STON2: variants seen among roughly 807,000 people sequenced by gnomAD.
STON2 encodes stonin-2.
Under a neutral mutation model 65.7 loss-of-function variants are expected in STON2, and 29 were observed. The observed-to-expected ratio is 0.44, with a 90% CI of 0.33 to 0.60. The LOEUF is 0.60. Among genes scored for constraint, STON2 ranks in the 20% least tolerant of loss-of-function variants. The probability of loss-of-function intolerance (pLI) is 0.03; values close to 1 mark genes in which losing one functional copy is unlikely to be tolerated. For missense variants in STON2, 1,054 were observed against 1,118.1 expected (o/e 0.94, Z 0.82); for synonymous variants, 404 against 414.2 (o/e 0.98, Z 0.30).
At chr14:81,308,824 A>ATATATATATATATATG (rs1479394128) in intron 5 of STON2, among the ~76,000 whole-genome samples, 3 of 10,442 alleles carry the variant, frequency 2.9e-4, no homozygotes, top group African/African-American at 3.8e-4. Flanking sequence ...ATATATATAT[A>ATATATATATATATATG]TGTGTGTGTG....
chr14:81,270,476 C>T, intron 7 of STON2, 194 bp downstream of exon 7: 1 of 1,492,708 alleles, frequency 6.7e-7, no homozygotes, highest in Non-Finnish European at 8.9e-7. Context: ...TCCAACCTTT[C>T]TCTCATCCAC....
At chr14:81,403,535 T>A (rs867120129), upstream of STON2, among the ~76,000 whole-genome samples, 1 of 152,146 alleles carries the variant, frequency 6.6e-6, no homozygotes, top group African/African-American at 2.4e-5. Context: ...CTTGAATACA[T>A]GCAAGAGTGG....
At chr14:81,415,417 A>G (rs900566817) in intron 2 of STON2, among the ~76,000 whole-genome samples, 2 of 152,096 alleles carry the variant, frequency 1.3e-5, no homozygotes, top group Non-Finnish European at 2.9e-5. Context: ...CAGACAATTC[A>G]TTGACTCATT....
At chr14:81,426,234 G>A (rs1280965088) in intron 2 of STON2, among the ~76,000 whole-genome samples, 1 of 152,142 alleles carries the variant, frequency 6.6e-6, no homozygotes, top group African/African-American at 2.4e-5. Flanking sequence ...CTTAACTCAG[G>A]CACCTAACCA....
chr14:81,368,014 G>A (rs899211797), intron 4 of STON2, among the ~76,000 whole-genome samples: 4 of 152,158 alleles, frequency 2.6e-5, no homozygotes, highest in African/African-American at 9.7e-5. Flanking sequence ...AAGGACATAT[G>A]GACTTTATCC....
intron 5 of STON2, among the ~76,000 whole-genome samples, chr14:81,304,766 T>C (rs1462166439): frequency 6.6e-6 from 1 of 152,160 alleles, no homozygotes; most frequent in East Asian, 1.9e-4. Context: ...GGAATCAGGA[T>C]TCAAACCCAG....
chr14:81,396,765 A>G (rs904581890), intron 2 of STON2, among the ~76,000 whole-genome samples: 10 of 151,996 alleles, frequency 6.6e-5, no homozygotes, highest in African/African-American at 2.4e-4. Context: ...TTTTTTGGAA[A>G]TTAAAAAACC....
At chr14:81,298,467 G>C (rs1007578490) in intron 5 of STON2, among the ~76,000 whole-genome samples, 2 of 151,788 alleles carry the variant, frequency 1.3e-5, no homozygotes, top group African/African-American at 4.8e-5. Flanking sequence ...AATTACCCCT[G>C]AGCAAAGTCA....
Position 81,427,223 on chromosome 14 carries a change from A to G in STON2, c.-309-11T>C, listed in dbSNP as rs74479977. The G allele has an allele frequency of 2.6e-5, 4 of 152,352 alleles. No homozygotes were observed. The East Asian group carries it at 7.7e-4, about 29-fold the overall frequency. The allele number at this position is 152,352 out of a possible 1,614,324, so 9.4% of individuals were successfully genotyped here. A position where few individuals can be genotyped will look rare whatever the true frequency, so the allele number is the denominator to read the frequency against. On this transcript the variant is annotated splice_polypyrimidine_tract_variant and intron_variant, in intron 1 of 8. Coordinates refer to the STON2 transcript ENST00000553821. ...TCGTGAGTTGTTTTCCTATGAGTAG[A>G]AACATACATGCATAAATGAACCTGC...
At chr14:81,341,512 G>C (rs1897614504) in intron 4 of STON2, among the ~76,000 whole-genome samples, 1 of 143,510 alleles carries the variant, frequency 7.0e-6, no homozygotes, top group Non-Finnish European at 1.5e-5. Flanking sequence ...GAGGTCACAA[G>C]GGAAGCAAGC....
upstream of STON2, among the ~76,000 whole-genome samples, chr14:81,402,624 A>G (rs1900661724): frequency 6.6e-6 from 1 of 152,000 alleles, no homozygotes; most frequent in Non-Finnish European, 1.5e-5. Context: ...AGTGAGTTAC[A>G]CTCTGTTCAT....
At chr14:81,385,266 G>A (rs1287938210) in intron 3 of STON2, among the ~76,000 whole-genome samples, 3 of 152,182 alleles carry the variant, frequency 2.0e-5, no homozygotes, top group Non-Finnish European at 4.4e-5. Flanking sequence ...AAAATATTCT[G>A]TTTCCTTTTA....
chr14:81,428,441 G>A (rs1484910505), intron 1 of STON2, among the ~76,000 whole-genome samples: 1 of 152,044 alleles, frequency 6.6e-6, no homozygotes, highest in African/African-American at 2.4e-5. Flanking sequence ...AAGACAAATG[G>A]GCCAGGCATG....
chr14:81,313,487 AT>A (rs1387844104), intron 5 of STON2, among the ~76,000 whole-genome samples: 1 of 151,316 alleles, frequency 6.6e-6, no homozygotes, highest in Non-Finnish European at 1.5e-5. Context: ...GAGAAAGAAA[AT>A]TGATTAAAAA....
chr14:81,280,260 G>T (rs1202829949), intron 5 of STON2, among the ~76,000 whole-genome samples: 2 of 152,200 alleles, frequency 1.3e-5, no homozygotes, highest in Non-Finnish European at 2.9e-5. Flanking sequence ...AGGACCGTGG[G>T]TATCTGCTGG....
intron 7 of STON2, chr14:81,268,753 T>G (rs1003340233): frequency 6.8e-6 from 4 of 589,140 alleles, no homozygotes; most frequent in Non-Finnish European, 8.6e-6. Context: ...GTACATTTGG[T>G]CAAAGATCAC....
chr14:81,319,756 T>C (rs1210716237), intron 5 of STON2, among the ~76,000 whole-genome samples: 3 of 152,198 alleles, frequency 2.0e-5, no homozygotes, highest in African/African-American at 7.2e-5. Flanking sequence ...GTACAAGGCC[T>C]AGGCATCTGT....
chr14:81,412,143 G>T (rs1901196711), intron 2 of STON2, among the ~76,000 whole-genome samples: 1 of 140,236 alleles, frequency 7.1e-6, no homozygotes, highest in Admixed American at 7.1e-5. Context: ...TTCAGATTAA[G>T]ATGTTTAACT....
chr14:81,414,749 T>G (rs1300230090), intron 2 of STON2, among the ~76,000 whole-genome samples: 1 of 152,134 alleles, frequency 6.6e-6, no homozygotes, highest in Non-Finnish European at 1.5e-5. Flanking sequence ...AGCAGGAATT[T>G]CCTGACACCG....
Sources: gnomAD v4.1 joint callset for allele counts (sites outside exome capture counted in the v4.1 genomes callset) on GRCh38, gnomAD v4.1.1 for gene constraint, MANE v1.5 for transcripts, NCBI Gene and HGNC (gene_info 2026-07-23, HGNC 2026-07-21) for gene names.